The following PSD3 variants were observed in gnomAD, a reference collection of about 807,000 sequenced individuals.
PSD3 encodes the protein PH and SEC7 domain-containing protein 3.
A neutral mutation model predicts 105.5 loss-of-function variants in PSD3; 49 were observed. That is an observed-to-expected ratio of 0.46 (90% CI 0.37 to 0.59). PSD3 has a LOEUF of 0.59. PSD3 is among the 20% of genes least tolerant of loss of function. The pLI is 0.00. For synonymous variants in PSD3, 557 were observed against 457.8 expected, an observed-to-expected ratio of 1.22 and a Z score of -2.77; for missense variants, 1,561 against 1,263.8, an observed-to-expected ratio of 1.24 and a Z score of -3.57.
At chr8:18,605,492 G>A (rs947390630) in intron 11 of PSD3, among the ~76,000 whole-genome samples, 4 of 152,122 alleles carry the variant, frequency 2.6e-5, no homozygotes, top group Admixed American at 6.5e-5. Flanking sequence ...ATAGGTAGAA[G>A]GAACTAGCTT....
intron 1 of PSD3, among the ~76,000 whole-genome samples, chr8:19,010,101 G>T (rs907628170): frequency 3.9e-5 from 6 of 152,180 alleles, no homozygotes; most frequent in African/African-American, 1.2e-4. Flanking sequence ...TCTCACTGAT[G>T]TACACTCAGA....
chr8:18,750,817 C>A lies in PSD3; in HGVS notation c.2172+14632G>T, dbSNP rs184837520. ...ACCAGAGCAGCTAGACACAGAGTGT[C>A]GATTGGTGCACTCACAAACCCTGAG... is the stretch of plus-strand genomic sequence containing the variant. On this transcript the variant is annotated intron_variant, in intron 9 of 15. Coordinates refer to ENST00000327040, the MANE Select transcript of PSD3 (RefSeq NM_015310.4). Among the ~76,000 whole-genome samples, 750 of 152,140 alleles carry A rather than the reference C, an allele frequency of 4.9e-3. 8 individuals are homozygous for A. The highest frequency in any genetic ancestry group is 0.017 in the African/African-American group (726 of 41,498).
Position 18,528,158 on chromosome 8 carries a change from C to T in PSD3, c.*7585G>A, listed in dbSNP as rs1342431426. 1 of 152,036 alleles carries T rather than the reference C, an allele frequency of 6.6e-6. No homozygotes were observed. Among genetic ancestry groups the T allele is most frequent in the Non-Finnish European group, 1.5e-5 (1 of 68,016 alleles). 9.4% of individuals were successfully genotyped at this position (152,036 alleles called of 1,614,324 possible). On this transcript the variant is annotated 3_prime_UTR_variant, in exon 16 of 16. Transcript: ENST00000327040. Reference sequence around the variant, plus strand: ...CTAGTGTACATTTAGAAATGGGTTCCTAAAGCTTGAGATATAAGAGACTGC... The same window carrying T: ...CTAGTGTACATTTAGAAATGGGTTCTTAAAGCTTGAGATATAAGAGACTGC...
chr8:18,594,940 C>G (rs1803980064), intron 12 of PSD3, among the ~76,000 whole-genome samples: 1 of 151,872 alleles, frequency 6.6e-6, no homozygotes, highest in South Asian at 2.1e-4. Context: ...TCAAATGCAG[C>G]AATCACTGAT....
At chr8:18,943,196 C>G (rs934222561) in intron 1 of PSD3, among the ~76,000 whole-genome samples, 1 of 152,344 alleles carries the variant, frequency 6.6e-6, no homozygotes, top group South Asian at 2.1e-4. Context: ...CAACCCCACA[C>G]CACTTTTGCA....
intron 1 of PSD3, among the ~76,000 whole-genome samples, chr8:19,042,066 T>C (rs1198112201): frequency 6.6e-5 from 10 of 152,224 alleles, no homozygotes; most frequent in Non-Finnish European, 1.0e-4. Context: ...TAAAATTGTT[T>C]TTATTTTGTG....
At chr8:19,033,738 G>C (rs1352856711) in intron 1 of PSD3, among the ~76,000 whole-genome samples, 2 of 151,980 alleles carry the variant, frequency 1.3e-5, no homozygotes, top group Non-Finnish European at 2.9e-5. Flanking sequence ...AGGAATTGAA[G>C]TCTCATAAGT....
Position 18,733,298 on chromosome 8 carries a change from T to G in PSD3, c.2172+32151A>C, listed in dbSNP as rs546129020. On this transcript the variant is annotated intron_variant, in intron 9 of 15. Transcript: ENST00000327040. ...TTTTTAGGGTCATAATTGTATAAGT[T>G]CAATGTTTCTAGCATATCTTTCTAG... is the stretch of plus-strand genomic sequence containing the variant. 109 of 152,282 alleles carry G rather than the reference T, an allele frequency of 7.2e-4. 2 individuals are homozygous for G. Among genetic ancestry groups the G allele is most frequent in the Admixed American group, 7.1e-3 (109 of 15,294 alleles). 9.4% of individuals were successfully genotyped at this position (152,282 alleles called of 1,614,324 possible). A position where few individuals can be genotyped will look rare whatever the true frequency, so the allele number is the denominator to read the frequency against.
chr8:18,958,929 T>C (rs111764410), intron 1 of PSD3, among the ~76,000 whole-genome samples: 6 of 150,188 alleles, frequency 4.0e-5, no homozygotes, highest in East Asian at 2.0e-4. Flanking sequence ...GTTTTTTTTT[T>C]TTTTCTTTTG....
intron 15 of PSD3, among the ~76,000 whole-genome samples, chr8:18,536,192 T>C (rs759114054): frequency 6.6e-6 from 1 of 152,204 alleles, no homozygotes; most frequent in Non-Finnish European, 1.5e-5. Flanking sequence ...TGTTCTAGAT[T>C]CTGACAGAAT....
intron 1 of PSD3, among the ~76,000 whole-genome samples, chr8:19,079,111 G>A (rs1211958649): frequency 6.6e-6 from 1 of 152,078 alleles, no homozygotes; most frequent in Non-Finnish European, 1.5e-5. Flanking sequence ...GGACTCCTGT[G>A]TGTGAATGTT....
At chr8:18,640,912 T>C (rs1807596986) in intron 10 of PSD3, among the ~76,000 whole-genome samples, 2 of 152,158 alleles carry the variant, frequency 1.3e-5, no homozygotes, top group Non-Finnish European at 2.9e-5. Context: ...GCAAACCCAG[T>C]GGGGCAGAGC....
chr8:18,623,095 G>C (rs1806233296), intron 11 of PSD3, among the ~76,000 whole-genome samples: 1 of 151,960 alleles, frequency 6.6e-6, no homozygotes. Context: ...ATATGGTCCA[G>C]GCTGGTCTTG....
rs1799615981 is a variant in PSD3 at position 18,531,146 on chromosome 8, A to G, written c.*4597T>C. On this transcript the variant is annotated 3_prime_UTR_variant, in exon 16 of 16. Coordinates refer to ENST00000327040, the MANE Select transcript of PSD3 (RefSeq NM_015310.4). Reference sequence around the variant, plus strand: ...GTAAGAATAGTCTCCAAAAGCCTGCAATACTACAGATACACACACAAATTA... The same window carrying G: ...GTAAGAATAGTCTCCAAAAGCCTGCGATACTACAGATACACACACAAATTA... The G allele has an allele frequency of 6.5e-6, 1 of 152,672 alleles. No homozygotes were observed. The highest frequency in any genetic ancestry group is 1.5e-5 in the Non-Finnish European group (1 of 68,050). 9.5% of individuals were successfully genotyped at this position (152,672 alleles called of 1,614,324 possible).
intron 9 of PSD3, among the ~76,000 whole-genome samples, chr8:18,730,645 T>C (rs569330380): frequency 1.3e-5 from 2 of 152,338 alleles, no homozygotes; most frequent in African/African-American, 2.4e-5. Context: ...CGCTATACAC[T>C]GTTTACACAT....
At chr8:18,703,575 C>T (rs948495008) in intron 9 of PSD3, among the ~76,000 whole-genome samples, 3 of 152,148 alleles carry the variant, frequency 2.0e-5, no homozygotes, top group South Asian at 4.2e-4. Context: ...AAAAGAGATC[C>T]CATATAGAGA....
At chr8:18,626,870 C>A (rs751727212) in intron 11 of PSD3, among the ~76,000 whole-genome samples, 27 of 152,094 alleles carry the variant, frequency 1.8e-4, no homozygotes, top group Non-Finnish European at 3.5e-4. Context: ...AAATATATAA[C>A]TAAACTGTTT....
At chr8:18,805,533 G>T (rs1811124600) in intron 4 of PSD3, among the ~76,000 whole-genome samples, 3 of 152,062 alleles carry the variant, frequency 2.0e-5, no homozygotes, top group Admixed American at 1.3e-4. Context: ...TGAGACAAGT[G>T]GTAGTTTCTT....
In PSD3 at chr8:18,810,301, T is replaced by C. The variant is rs551509384; in HGVS notation, c.1635-5403A>G. Among the ~76,000 whole-genome samples, 3 of 152,338 alleles carry C rather than the reference T, an allele frequency of 2.0e-5. No homozygotes were observed. In the East Asian group the frequency reaches 5.8e-4, roughly 29 times the overall value. On this transcript the variant is annotated intron_variant, in intron 4 of 15. Coordinates refer to ENST00000327040, the MANE Select transcript of PSD3 (RefSeq NM_015310.4). ...AAGAGAATGCAAGAACACAGCCATC[T>C]GCCATGTCTACTTCCTCCACTGTCT...
Sources: allele counts gnomAD v4.1 joint callset (sites outside exome capture counted in the v4.1 genomes callset), GRCh38; gene constraint gnomAD v4.1.1; transcripts MANE v1.5; gene names NCBI Gene and HGNC (gene_info 2026-07-23, HGNC 2026-07-21).